The following HOOK1 variants were observed in gnomAD, a reference collection of about 807,000 sequenced individuals.
HOOK1 encodes hook microtubule tethering protein 1.
Under a neutral mutation model 112.8 loss-of-function variants are expected in HOOK1, and 60 were observed. The ratio of observed to expected loss-of-function variants is 0.53; its 90% CI spans 0.43 to 0.66. HOOK1 has a LOEUF of 0.66. Ranked by LOEUF, HOOK1 falls within the 30% of genes least tolerant of loss-of-function variation. The probability of loss-of-function intolerance (pLI) is 0.00; values close to 1 mark genes in which losing one functional copy is unlikely to be tolerated. For synonymous variants in HOOK1, 294 were observed against 283.8 expected (o/e 1.04, Z -0.36); for missense variants, 770 against 856.0 (o/e 0.90, Z 1.25).
chr1:59,865,826 G>A (rs1393997104), intron 18 of HOOK1, 46 bp from the exon 19 acceptor site: 1 of 862,076 alleles, frequency 1.2e-6, no homozygotes, highest in Non-Finnish European at 1.8e-6. Flanking sequence ...TTAATAGGTA[G>A]TAAATATTAA....
chr1:59,872,155 A>T (rs1644064980), intron 21 of HOOK1, among the ~76,000 whole-genome samples: 2 of 152,224 alleles, frequency 1.3e-5, no homozygotes, highest in Admixed American at 6.5e-5. Context: ...TAAGTTCAGT[A>T]AAATTGTGTT....
At chr1:59,855,975 TATA>T (rs2098410431) in intron 12 of HOOK1, among the ~76,000 whole-genome samples, 2 of 83,598 alleles carry the variant, frequency 2.4e-5, no homozygotes, top group Non-Finnish European at 5.0e-5. Flanking sequence ...ATTATATATA[TATA>T]TATATATTTT....
intron 16 of HOOK1, among the ~76,000 whole-genome samples, chr1:59,864,285 T>A (rs1423458182): frequency 6.6e-6 from 1 of 151,980 alleles, no homozygotes; most frequent in Non-Finnish European, 1.5e-5. Context: ...AAATGATTTT[T>A]AAAATATTTT....
chr1:59,852,135 G>A (rs892892985), intron 12 of HOOK1, among the ~76,000 whole-genome samples: 7 of 151,642 alleles, frequency 4.6e-5, no homozygotes, highest in African/African-American at 1.7e-4. Context: ...TTCTTGTGAG[G>A]TCATACCTGG....
intron 2 of HOOK1, among the ~76,000 whole-genome samples, chr1:59,827,660 G>A (rs2098390945): frequency 6.6e-6 from 1 of 151,986 alleles, no homozygotes; most frequent in Non-Finnish European, 1.5e-5. Flanking sequence ...ATTATTATAT[G>A]TTGATTATGA....
At chr1:59,855,957 T>TAAAAAAAAAAAAAAAA (rs1418665294) in intron 12 of HOOK1, among the ~76,000 whole-genome samples, 9 of 104,464 alleles carry the variant, frequency 8.6e-5, no homozygotes, top group African/African-American at 3.9e-4. Flanking sequence ...TATATATATA[T>TAAAAAAAAAAAAAAAA]ATAAATTATT....
rs71582607 is a variant in HOOK1 at position 59,855,940 on chromosome 1, A to ATT, written c.1243-2486_1243-2485dup. Among the ~76,000 whole-genome samples the ATT allele has an allele frequency of 3.2e-3, 191 of 59,882 alleles. 3 individuals carry two copies. Among genetic ancestry groups the ATT allele is most frequent in the African/African-American group, 0.015 (183 of 12,560 alleles). 39.3% of individuals were successfully genotyped at this position (59,882 alleles called of 152,430 possible). A position where few individuals can be genotyped will look rare whatever the true frequency, so the allele number is the denominator to read the frequency against. ...AAGCACACTCCACCATACCCAGCTA[A>ATT]TTTATATATATATATATATAAATTA... On this transcript the variant is annotated intron_variant, in intron 12 of 21. Coordinates refer to ENST00000371208, the MANE Select transcript of HOOK1 (RefSeq NM_015888.6).
intron 17 of HOOK1, 103 bp downstream of exon 17, chr1:59,864,769 C>A: frequency 3.9e-6 from 3 of 759,496 alleles, no homozygotes; most frequent in South Asian, 3.4e-5. Flanking sequence ...AGCAAATATC[C>A]TGATGCTAAT....
intron 8 of HOOK1, among the ~76,000 whole-genome samples, chr1:59,842,254 A>G (rs2098401412): frequency 6.6e-6 from 1 of 152,018 alleles, no homozygotes; most frequent in South Asian, 2.1e-4. Context: ...GTGTACTTCT[A>G]TCAAAGCACC....
chr1:59,835,239 A>G (rs1453203009), intron 5 of HOOK1, 106 bp from the exon 6 acceptor site: 3 of 696,260 alleles, frequency 4.3e-6, no homozygotes, highest in East Asian at 5.5e-5. Context: ...ATTTACATAA[A>G]GGATTATCTG....
At chr1:59,850,242 A>G in intron 12 of HOOK1, among the ~76,000 whole-genome samples, 1 of 151,222 alleles carries the variant, frequency 6.6e-6, no homozygotes, top group South Asian at 2.1e-4. Flanking sequence ...TTGAGTTGGA[A>G]TAGTTTTTTA....
At position 59,864,886 on chromosome 1, in the gene HOOK1, T is replaced by TA. The variant is rs1643932823; in HGVS notation, c.1661+227dup. On this transcript the variant is annotated intron_variant, in intron 17 of 21. Coordinates refer to ENST00000371208, the MANE Select transcript of HOOK1 (RefSeq NM_015888.6). ...CATTGTTAATATCATTTGAAAAGTTTAAAAAAACAGATTAACTATCACAAC... is the reference window on the plus strand; with the variant it reads ...CATTGTTAATATCATTTGAAAAGTTTAAAAAAAACAGATTAACTATCACAAC... 9.1e-6 allele frequency: 5 copies of TA among 546,902 alleles called. No homozygotes were observed. The South Asian group carries it at 1.5e-4, about 16-fold the overall frequency. 33.9% of individuals were successfully genotyped at this position (546,902 alleles called of 1,614,324 possible).
Position 59,849,058 on chromosome 1 carries a change from T to G in HOOK1, c.1132-15T>G. 1 of 1,556,324 alleles carries G rather than the reference T, an allele frequency of 6.4e-7. No individual in the cohort carries two copies. Among genetic ancestry groups the G allele is most frequent in the Middle Eastern group, 1.7e-4 (1 of 5,848 alleles). On this transcript the variant is annotated splice_polypyrimidine_tract_variant and intron_variant, in intron 11 of 21. Transcript: ENST00000371208. ...TACTTTTAAGGACCTTTTTTCCTTT[T>G]GTTTCTGACATTAGGTTCAAGATCT...
chr1:59,854,832 C>T (rs1489177245), intron 12 of HOOK1, among the ~76,000 whole-genome samples: 3 of 151,990 alleles, frequency 2.0e-5, no homozygotes, highest in African/African-American at 7.2e-5. Context: ...GATTGATGAT[C>T]CAAGGTTGGA....
At chr1:59,824,971 C>A (rs1479058446) in intron 2 of HOOK1, among the ~76,000 whole-genome samples, 3 of 152,184 alleles carry the variant, frequency 2.0e-5, no homozygotes, top group Non-Finnish European at 4.4e-5. Context: ...CTAAATCAAG[C>A]TATTTTCTGG....
chr1:59,864,130 T>G (rs2098415050), intron 16 of HOOK1, among the ~76,000 whole-genome samples: 1 of 151,988 alleles, frequency 6.6e-6, no homozygotes, highest in Non-Finnish European at 1.5e-5. Context: ...ATTTTGCTTT[T>G]TAACAATATT....
intron 4 of HOOK1, among the ~76,000 whole-genome samples, chr1:59,832,454 C>T (rs113328568): frequency 3.3e-5 from 5 of 152,052 alleles, no homozygotes; most frequent in African/African-American, 1.2e-4. Context: ...AGTAGAATTA[C>T]CTTCATCTTT....
At chr1:59,853,775 A>G (rs1337877863) in intron 12 of HOOK1, among the ~76,000 whole-genome samples, 1 of 151,530 alleles carries the variant, frequency 6.6e-6, no homozygotes, top group Non-Finnish European at 1.5e-5. Flanking sequence ...GGGGGATTAC[A>G]ATTAGCATCT....
intron 12 of HOOK1, among the ~76,000 whole-genome samples, chr1:59,852,177 G>C (rs967047679): frequency 5.9e-5 from 9 of 151,818 alleles, no homozygotes; most frequent in Non-Finnish European, 7.4e-5. Flanking sequence ...AGAGTGAGTT[G>C]AGAAATTTTC....
Sources: allele counts gnomAD v4.1 joint callset (sites outside exome capture counted in the v4.1 genomes callset), GRCh38; gene constraint gnomAD v4.1.1; transcripts MANE v1.5; gene names NCBI Gene and HGNC (gene_info 2026-07-23, HGNC 2026-07-21).